Variants in SORCS3 observed in about 807,000 individuals in gnomAD.
SORCS3 encodes VPS10 domain-containing receptor SorCS3.
In SORCS3, 57 loss-of-function variants were observed where a neutral mutation model predicts 146.3. The ratio of observed to expected loss-of-function variants is 0.39; its 90% CI spans 0.31 to 0.49. SORCS3 has a LOEUF of 0.49. Among genes scored for constraint, SORCS3 ranks in the 20% least tolerant of loss-of-function variants. The probability of loss-of-function intolerance (pLI) is 0.92; values close to 1 mark genes in which losing one functional copy is unlikely to be tolerated. For missense variants in SORCS3, 1,341 were observed against 1,575.5 expected, an observed-to-expected ratio of 0.85 and a Z score of 2.52; for synonymous variants, 653 against 618.5, an observed-to-expected ratio of 1.06 and a Z score of -0.83.
chr10:105,014,639 T>C (rs1046156946), intron 4 of SORCS3, among the ~76,000 whole-genome samples: 9 of 152,112 alleles, frequency 5.9e-5, no homozygotes, highest in Admixed American at 3.9e-4. Flanking sequence ...AGCCATACCA[T>C]TTATAGGAAA....
chr10:105,147,437 A>G (rs1290791117), intron 8 of SORCS3, among the ~76,000 whole-genome samples, 180 bp from the exon 9 acceptor site: 2 of 152,172 alleles, frequency 1.3e-5, no homozygotes, highest in Non-Finnish European at 2.9e-5. Context: ...GTCACTTAGC[A>G]AGGAACAGAA....
intron 4 of SORCS3, among the ~76,000 whole-genome samples, chr10:105,041,695 G>A (rs1589605842): frequency 6.6e-6 from 1 of 152,046 alleles, no homozygotes; most frequent in African/African-American, 2.4e-5. Flanking sequence ...ATTTCTGTAT[G>A]AGTTGTAACA....
At chr10:105,014,816 T>C (rs1246266810) in intron 4 of SORCS3, among the ~76,000 whole-genome samples, 1 of 152,182 alleles carries the variant, frequency 6.6e-6, no homozygotes, top group Non-Finnish European at 1.5e-5. Context: ...AAAGTTCTCC[T>C]CTTTTACCAT....
chr10:104,799,678 G>A (rs1263061206), intron 1 of SORCS3, among the ~76,000 whole-genome samples: 1 of 147,042 alleles, frequency 6.8e-6, no homozygotes, highest in Admixed American at 6.7e-5. Context: ...ATGTAACCCA[G>A]AACTTTTTTT....
chr10:104,803,847 G>A (rs1183334106), intron 1 of SORCS3, among the ~76,000 whole-genome samples: 5 of 152,022 alleles, frequency 3.3e-5, no homozygotes, highest in Non-Finnish European at 5.9e-5. Context: ...AGAGTCCTCT[G>A]CCTCCTCCAG....
intron 19 of SORCS3, chr10:105,217,711 T>C: frequency 2.3e-6 from 1 of 431,014 alleles, no homozygotes; most frequent in South Asian, 1.7e-5. Flanking sequence ...TCATTGCTAT[T>C]GGCTGTTGCT....
chr10:105,157,062 G>A, intron 9 of SORCS3, 76 bp from the exon 10 acceptor site: 1 of 1,534,008 alleles, frequency 6.5e-7, no homozygotes. Context: ...AAATTCTGCG[G>A]CTTCTCTAAG....
chr10:105,035,240 T>A (rs113019561), intron 4 of SORCS3, among the ~76,000 whole-genome samples: 2 of 152,208 alleles, frequency 1.3e-5, no homozygotes. Flanking sequence ...TAGAACAGAT[T>A]ACAAAATACC....
At chr10:105,122,850 C>G (rs2055944387) in intron 7 of SORCS3, among the ~76,000 whole-genome samples, 2 of 152,182 alleles carry the variant, frequency 1.3e-5, no homozygotes, top group Non-Finnish European at 2.9e-5. Context: ...GAGGACCATT[C>G]AGTGCCCCAA....
intron 2 of SORCS3, among the ~76,000 whole-genome samples, chr10:104,903,547 G>C (rs772235926): frequency 4.6e-5 from 7 of 152,130 alleles, no homozygotes; most frequent in Non-Finnish European, 8.8e-5. Context: ...ATTCGCGACT[G>C]GGCATAGATT....
At chr10:104,877,978 G>T (rs867196855) in intron 2 of SORCS3, among the ~76,000 whole-genome samples, 1 of 152,134 alleles carries the variant, frequency 6.6e-6, no homozygotes, top group Admixed American at 6.5e-5. Context: ...TTTCCAGAAG[G>T]GATTTCAGAT....
chr10:105,099,011 G>A (rs2055765630), intron 6 of SORCS3, among the ~76,000 whole-genome samples: 1 of 152,178 alleles, frequency 6.6e-6, no homozygotes, highest in Non-Finnish European at 1.5e-5. Flanking sequence ...CTCAGTAGAA[G>A]GAATGGAAAC....
chr10:105,164,472 A>C (rs569182016), intron 12 of SORCS3, 93 bp downstream of exon 12: 1 of 964,748 alleles, frequency 1.0e-6, no homozygotes, highest in South Asian at 1.4e-5. Context: ...CCTCATTATG[A>C]CTTTGTAATT....
intron 1 of SORCS3, among the ~76,000 whole-genome samples, chr10:104,817,424 C>T (rs1589510274): frequency 1.1e-5 from 1 of 94,422 alleles, no homozygotes; most frequent in African/African-American, 4.1e-5. Context: ...CTTCCCCCTC[C>T]TCCTCCTCTT....
intron 2 of SORCS3, among the ~76,000 whole-genome samples, chr10:104,848,782 G>A (rs1403583374): frequency 6.6e-6 from 1 of 152,198 alleles, no homozygotes; most frequent in Admixed American, 6.5e-5. Flanking sequence ...TATGTAAGCA[G>A]CCCTGCGCTC....
At chr10:104,888,608 G>A (rs2018717474) in intron 2 of SORCS3, among the ~76,000 whole-genome samples, 1 of 152,108 alleles carries the variant, frequency 6.6e-6, no homozygotes, top group Non-Finnish European at 1.5e-5. Context: ...GAAATGGCAG[G>A]AAATTTGTAG....
At chr10:105,248,467 A>G (rs2056880153) in intron 22 of SORCS3, among the ~76,000 whole-genome samples, 1 of 152,214 alleles carries the variant, frequency 6.6e-6, no homozygotes, top group African/African-American at 2.4e-5. Flanking sequence ...AGTACAGCAC[A>G]CTTTGGGAGG....
chr10:105,251,261 C>T (rs1269367951), intron 22 of SORCS3, among the ~76,000 whole-genome samples: 1 of 152,142 alleles, frequency 6.6e-6, no homozygotes, highest in Non-Finnish European at 1.5e-5. Flanking sequence ...GGGGGAAAGG[C>T]CCCTTATAAA....
At chr10:104,940,236 A>ATTT (rs1156750677) in intron 3 of SORCS3, among the ~76,000 whole-genome samples, 2 of 23,612 alleles carry the variant, frequency 8.5e-5, no homozygotes, top group African/African-American at 1.3e-4. Flanking sequence ...ATATATATAT[A>ATTT]TATTTTTTTT....
Sources: gnomAD v4.1 joint callset for allele counts (sites outside exome capture counted in the v4.1 genomes callset) on GRCh38, gnomAD v4.1.1 for gene constraint, MANE v1.5 for transcripts, NCBI Gene and HGNC (gene_info 2026-07-23, HGNC 2026-07-21) for gene names.